Variants in WDR70 observed in about 807,000 individuals in gnomAD.
WDR70 encodes the protein WD repeat-containing protein 70.
A neutral mutation model predicts 88.6 loss-of-function variants in WDR70; 53 were observed. That is an observed-to-expected ratio of 0.60 (90% CI 0.48 to 0.75). WDR70 has a LOEUF of 0.75. Among genes scored for constraint, WDR70 ranks in the 30% least tolerant of loss-of-function variants. The pLI is 0.00. For synonymous variants in WDR70, 280 were observed against 270.0 expected (o/e 1.04, Z -0.36); for missense variants, 610 against 823.2 (o/e 0.74, Z 3.17).
At chr5:37,743,958 A>G (rs1347646888) in intron 17 of WDR70, among the ~76,000 whole-genome samples, 1 of 152,200 alleles carries the variant, frequency 6.6e-6, no homozygotes, top group Non-Finnish European at 1.5e-5. Context: ...CATGCCACCC[A>G]ACTGGGTGAG....
chr5:37,579,401 T>C (rs1324024524), intron 9 of WDR70, among the ~76,000 whole-genome samples: 1 of 151,860 alleles, frequency 6.6e-6, no homozygotes, highest in East Asian at 1.9e-4. Context: ...CCGGCCAACA[T>C]GGTGAAACCC....
chr5:37,446,872 AG>A (rs1738498900), intron 7 of WDR70, among the ~76,000 whole-genome samples: 1 of 152,234 alleles, frequency 6.6e-6, no homozygotes, highest in South Asian at 2.1e-4. Context: ...TTCAGGACAT[AG>A]GCATGGGCAA....
intron 9 of WDR70, among the ~76,000 whole-genome samples, chr5:37,557,959 T>TTTGAAAACTCTTCCAA: frequency 6.8e-6 from 1 of 146,506 alleles, no homozygotes. Context: ...AAAAGAGTAT[T>TTTGAAAACTCTTCCAA]ATGTATATTT....
chr5:37,713,205 G>A (rs969374440), intron 13 of WDR70, among the ~76,000 whole-genome samples: 1 of 152,106 alleles, frequency 6.6e-6, no homozygotes, highest in Non-Finnish European at 1.5e-5. Context: ...TGAGATGAAG[G>A]GCCAATCACG....
intron 8 of WDR70, chr5:37,506,384 A>G: frequency 1.3e-6 from 1 of 792,120 alleles, no homozygotes; most frequent in Non-Finnish European, 2.3e-6. Flanking sequence ...CATCATTTAC[A>G]ATGAGCTGTC....
chr5:37,461,076 TG>T (rs1339839392), intron 7 of WDR70, among the ~76,000 whole-genome samples: 1 of 149,354 alleles, frequency 6.7e-6, no homozygotes, highest in African/African-American at 2.5e-5. Flanking sequence ...GTTTATTTTT[TG>T]TAAATGGCAA....
chr5:37,428,004 C>T (rs1344482999), intron 5 of WDR70, among the ~76,000 whole-genome samples: 1 of 145,892 alleles, frequency 6.9e-6, no homozygotes, highest in Non-Finnish European at 1.5e-5. Flanking sequence ...GAGATGTATC[C>T]TCCTTTTTTT....
chr5:37,669,965 T>G (rs1000421250), intron 10 of WDR70, among the ~76,000 whole-genome samples: 2 of 150,924 alleles, frequency 1.3e-5, no homozygotes, highest in African/African-American at 4.9e-5. Flanking sequence ...GTGTTCAGTT[T>G]AGGCAAATCT....
chr5:37,461,692 C>T (rs1739010698), intron 7 of WDR70, among the ~76,000 whole-genome samples: 1 of 152,010 alleles, frequency 6.6e-6, no homozygotes, highest in African/African-American at 2.4e-5. Flanking sequence ...ACAGTGTTAG[C>T]CAGGATGGTC....
At chr5:37,462,209 T>C (rs1046703793) in intron 7 of WDR70, among the ~76,000 whole-genome samples, 2 of 152,270 alleles carry the variant, frequency 1.3e-5, no homozygotes, top group East Asian at 3.9e-4. Context: ...GATTTCTTAT[T>C]TATATTCTTT....
intron 9 of WDR70, among the ~76,000 whole-genome samples, chr5:37,579,582 CAAAAAAAAAAAA>C (rs201135421): frequency 2.4e-5 from 2 of 82,732 alleles, no homozygotes; most frequent in Non-Finnish European, 4.8e-5. Context: ...GACTCTGTCT[CAAAAAAAAAAAA>C]AAAAAAAAAA....
chr5:37,506,115 C>T, intron 8 of WDR70: 1 of 1,154,060 alleles, frequency 8.7e-7, no homozygotes, highest in Non-Finnish European at 1.3e-6. Context: ...TGCAAGATTG[C>T]AGCGGCTTAA....
chr5:37,488,443 G>C (rs1222168868), intron 8 of WDR70, among the ~76,000 whole-genome samples: 1 of 149,562 alleles, frequency 6.7e-6, no homozygotes, highest in Non-Finnish European at 1.5e-5. Flanking sequence ...TCAGATATTT[G>C]GTTGCTTTAT....
At chr5:37,670,221 AAGG>A (rs1745985449) in intron 10 of WDR70, among the ~76,000 whole-genome samples, 1 of 141,292 alleles carries the variant, frequency 7.1e-6, no homozygotes, top group South Asian at 2.4e-4. Flanking sequence ...AAAAGAAAAA[AAGG>A]GGGAGTATAT....
chr5:37,586,102 A>T (rs1489109927), intron 9 of WDR70, among the ~76,000 whole-genome samples: 1 of 152,168 alleles, frequency 6.6e-6, no homozygotes, highest in Non-Finnish European at 1.5e-5. Flanking sequence ...TTTAGGAGCC[A>T]AATCGAGTGT....
chr5:37,617,519 C>T (rs1744378974), intron 10 of WDR70, among the ~76,000 whole-genome samples: 1 of 152,138 alleles, frequency 6.6e-6, no homozygotes, highest in Non-Finnish European at 1.5e-5. Flanking sequence ...GAACTTTTAG[C>T]CCTAGTTCTC....
chr5:37,506,171 A>C, intron 8 of WDR70: 1 of 1,045,532 alleles, frequency 9.6e-7, no homozygotes, highest in East Asian at 2.4e-5. Flanking sequence ...AACGAGAAAC[A>C]TCAGCACCAC....
intron 8 of WDR70, among the ~76,000 whole-genome samples, chr5:37,507,082 CAAACTT>C (rs937894671): frequency 9.8e-5 from 15 of 152,330 alleles, no homozygotes; most frequent in Admixed American, 7.8e-4. Context: ...TACATATTAA[CAAACTT>C]AAACTTAAAT....
intron 10 of WDR70, among the ~76,000 whole-genome samples, chr5:37,641,802 T>C (rs899723756): frequency 1.1e-4 from 16 of 152,196 alleles, no homozygotes; most frequent in African/African-American, 3.9e-4. Flanking sequence ...AACATTAGGC[T>C]CATTTCTCTG....
Sources: allele counts gnomAD v4.1 joint callset (sites outside exome capture counted in the v4.1 genomes callset), GRCh38; gene constraint gnomAD v4.1.1; transcripts MANE v1.5; gene names NCBI Gene and HGNC (gene_info 2026-07-23, HGNC 2026-07-21).